COMMD10: variants seen among roughly 807,000 people sequenced by gnomAD.
COMMD10 encodes the protein COMM domain-containing protein 10.
In COMMD10, 33 loss-of-function variants were observed where a neutral mutation model predicts 28.9. The ratio of observed to expected loss-of-function variants is 1.14; its 90% CI spans 0.87 to 1.53. The LOEUF is 1.53. Ranked by LOEUF, COMMD10 falls within the 40% of genes most tolerant of loss-of-function variation. The pLI is 0.00. For missense variants in COMMD10, 310 were observed against 233.4 expected (o/e 1.33, Z -2.14); for synonymous variants, 110 against 81.7 (o/e 1.35, Z -1.87).
At chr5:116,271,985 A>T (rs970224150) in intron 5 of COMMD10, among the ~76,000 whole-genome samples, 5 of 151,868 alleles carry the variant, frequency 3.3e-5, no homozygotes, top group African/African-American at 9.7e-5. Context: ...GGATTACACA[A>T]ATTTAACCTG....
intron 5 of COMMD10, among the ~76,000 whole-genome samples, chr5:116,165,393 T>C (rs74696533): frequency 0.023 from 3,551 of 152,328 alleles, 136 homozygotes; most frequent in African/African-American, 0.079. Context: ...ATACATCTTA[T>C]GTACTTGGTG....
chr5:116,152,982 TACCC>T (rs1256450105), intron 5 of COMMD10, among the ~76,000 whole-genome samples: 2 of 152,122 alleles, frequency 1.3e-5, no homozygotes, highest in Non-Finnish European at 2.9e-5. Flanking sequence ...GCATAATAGC[TACCC>T]ACTCAGGTAT....
chr5:116,237,757 C>G lies in COMMD10; in HGVS notation c.511-53760C>G, dbSNP rs1749709747. On this transcript the variant is annotated intron_variant, in intron 5 of 6. Transcript: ENST00000274458. ...TATCATGGTTAAATTATGAGCAAAG[C>G]TCATAAAATGCAATAAATGCATTTT... 2.0e-5 allele frequency among the ~76,000 whole-genome samples: 3 copies of G among 152,224 alleles called. No individual in the cohort carries two copies. The South Asian group carries it at 6.2e-4, about 32-fold the overall frequency.
intron 5 of COMMD10, among the ~76,000 whole-genome samples, chr5:116,164,565 T>A (rs1274160968): frequency 6.6e-6 from 1 of 152,204 alleles, no homozygotes; most frequent in Non-Finnish European, 1.5e-5. Flanking sequence ...ACAGTAACTG[T>A]CTATTTTAGT....
rs530861278 is a variant in COMMD10, at chr5:116,125,796, G to T, written c.400-8272G>T. 1.8e-4 allele frequency among the ~76,000 whole-genome samples: 28 copies of T among 151,438 alleles called. No homozygotes were observed. In the East Asian group the frequency reaches 5.0e-3, roughly 27 times the overall value. On this transcript the variant is annotated intron_variant, in intron 4 of 6. Coordinates refer to ENST00000274458, the MANE Select transcript of COMMD10 (RefSeq NM_016144.4). The stretch of plus-strand genomic sequence containing the variant: ...ACTTCTCGCTTCATTTCATTCATTT[G>T]ATCGTCAGTCACTGATACCCTTTCA...
Position 116,134,066 on chromosome 5 carries a change from A to G in COMMD10, c.400-2A>G. On this transcript the variant is annotated splice_acceptor_variant, in intron 4 of 6. Transcript: ENST00000274458. LOFTEE classifies it high-confidence loss of function. ...ATTCCAATCTGCACCTGTCTTTTAT[A>G]GCTAGAGACCGTTGGATGGCAGCTT... 2 of 1,547,460 alleles carry G rather than the reference A, an allele frequency of 1.3e-6. No homozygotes were observed. Among genetic ancestry groups the G allele is most frequent in the Non-Finnish European group, 1.8e-6 (2 of 1,118,000 alleles).
At chr5:116,211,616 G>A (rs569950718) in intron 5 of COMMD10, among the ~76,000 whole-genome samples, 1 of 152,014 alleles carries the variant, frequency 6.6e-6, no homozygotes, top group South Asian at 2.1e-4. Flanking sequence ...CATTAATATG[G>A]ATTTGTATAA....
chr5:116,142,208 A>G (rs530250652), intron 5 of COMMD10, among the ~76,000 whole-genome samples: 2 of 151,918 alleles, frequency 1.3e-5, no homozygotes, highest in South Asian at 2.1e-4. Context: ...GTAACAAATC[A>G]TTTTTTATAT....
At chr5:116,190,269 T>C (rs1278534714) in intron 5 of COMMD10, among the ~76,000 whole-genome samples, 1 of 152,182 alleles carries the variant, frequency 6.6e-6, no homozygotes, top group South Asian at 2.1e-4. Context: ...GAAAATGTTA[T>C]GAAACTTTTA....
At chr5:116,194,531 T>C (rs1748456840) in intron 5 of COMMD10, among the ~76,000 whole-genome samples, 1 of 152,174 alleles carries the variant, frequency 6.6e-6, no homozygotes, top group South Asian at 2.1e-4. Flanking sequence ...TCAAGGCTAC[T>C]GTGAACAACT....
At chr5:116,107,200 T>C (rs1444236086) in intron 4 of COMMD10, among the ~76,000 whole-genome samples, 1 of 152,174 alleles carries the variant, frequency 6.6e-6, no homozygotes, top group Admixed American at 6.5e-5. Flanking sequence ...GTTCCCTCTA[T>C]TTCCTGAATT....
At chr5:116,091,726 T>TA (rs1430476906) in intron 3 of COMMD10, among the ~76,000 whole-genome samples, 1 of 152,194 alleles carries the variant, frequency 6.6e-6, no homozygotes, top group East Asian at 1.9e-4. Context: ...ATGCGTTAGT[T>TA]ATACCTCCTT....
At chr5:116,233,790 G>A (rs911348368) in intron 5 of COMMD10, among the ~76,000 whole-genome samples, 4 of 152,106 alleles carry the variant, frequency 2.6e-5, no homozygotes, top group African/African-American at 9.7e-5. Context: ...GCAAGAGGGA[G>A]ATTGGAAGAG....
intron 5 of COMMD10, among the ~76,000 whole-genome samples, chr5:116,269,978 A>G (rs1750708986): frequency 6.6e-6 from 1 of 151,896 alleles, no homozygotes; most frequent in Non-Finnish European, 1.5e-5. Context: ...AGATGTATTA[A>G]TTGCCATTTT....
intron 5 of COMMD10, among the ~76,000 whole-genome samples, chr5:116,223,764 G>A (rs1012792742): frequency 2.6e-5 from 4 of 152,158 alleles, no homozygotes; most frequent in East Asian, 1.9e-4. Context: ...GTTCATGATC[G>A]TAGGAGTGGA....
chr5:116,183,635 C>T (rs866967533), intron 5 of COMMD10, among the ~76,000 whole-genome samples: 1 of 151,960 alleles, frequency 6.6e-6, no homozygotes, highest in South Asian at 2.1e-4. Flanking sequence ...AGAAATAGAC[C>T]ATTTCTGTTT....
chr5:116,158,501 T>TC (rs144137572), intron 5 of COMMD10, among the ~76,000 whole-genome samples: 1 of 62,542 alleles, frequency 1.6e-5, no homozygotes, highest in East Asian at 4.8e-4. Flanking sequence ...TCTCTCCCCC[T>TC]CCCCCCCCTT....
chr5:116,131,058 A>C (rs1751846646), intron 4 of COMMD10, among the ~76,000 whole-genome samples: 1 of 151,958 alleles, frequency 6.6e-6, no homozygotes, highest in Non-Finnish European at 1.5e-5. Flanking sequence ...GAAAGAATAT[A>C]CTGATTGGAC....
At chr5:116,100,068 A>G (rs1188307863) in intron 4 of COMMD10, among the ~76,000 whole-genome samples, 2 of 152,204 alleles carry the variant, frequency 1.3e-5, no homozygotes, top group Non-Finnish European at 1.5e-5. Flanking sequence ...AATATTTTAA[A>G]TAATTTTGTG....
Sources: gnomAD v4.1 joint callset for allele counts (sites outside exome capture counted in the v4.1 genomes callset) on GRCh38, gnomAD v4.1.1 for gene constraint, MANE v1.5 for transcripts, NCBI Gene and HGNC (gene_info 2026-07-23, HGNC 2026-07-21) for gene names.